AP4S1: variants seen among roughly 807,000 people sequenced by gnomAD.
AP4S1 encodes the protein adaptor related protein complex 4 subunit sigma 1.
Under a neutral mutation model 19.8 loss-of-function variants are expected in AP4S1, and 23 were observed. The observed-to-expected ratio is 1.16, with a 90% confidence interval of 0.84 to 1.65. The LOEUF is 1.65. AP4S1 is among the 40% of genes most tolerant of loss of function. The probability of loss-of-function intolerance (pLI) is 0.00; values close to 1 mark genes in which losing one functional copy is unlikely to be tolerated. For missense variants in AP4S1, 166 were observed against 172.8 expected, an observed-to-expected ratio of 0.96 and a Z score of 0.22; for synonymous variants, 46 against 54.1, an observed-to-expected ratio of 0.85 and a Z score of 0.66.
At chr14:31,045,654 C>G (rs1363010342) in intron 1 of AP4S1, among the ~76,000 whole-genome samples, 1 of 152,124 alleles carries the variant, frequency 6.6e-6, no homozygotes, top group African/African-American at 2.4e-5. Flanking sequence ...AGTGTGAAAG[C>G]AGACTAATAC....
chr14:31,045,030 TA>T (rs960882332), intron 1 of AP4S1, among the ~76,000 whole-genome samples: 28 of 151,830 alleles, frequency 1.8e-4, no homozygotes, highest in African/African-American at 6.1e-4. Context: ...GCCCCCCAAG[TA>T]GCTGGGATTA....
In AP4S1 at chr14:31,093,574, C is replaced by T. The variant is rs1266042969; in HGVS notation, c.*539C>T. Reference sequence around the variant, plus strand: ...CAAGCGATTCTCCTGCCTCAGCCTCCGAGCTGGGACTACAGGCATGCACCA... The same window carrying T: ...CAAGCGATTCTCCTGCCTCAGCCTCTGAGCTGGGACTACAGGCATGCACCA... On this transcript the variant is annotated 3_prime_UTR_variant, in exon 6 of 6. Coordinates refer to ENST00000542754, the MANE Select transcript of AP4S1 (RefSeq NM_001128126.3). 3 of 152,638 alleles carry T rather than the reference C, an allele frequency of 2.0e-5. No homozygotes were observed. The highest frequency in any genetic ancestry group is 2.9e-5 in the Non-Finnish European group (2 of 68,662). 9.5% of individuals were successfully genotyped at this position (152,638 alleles called of 1,614,324 possible).
At chr14:31,049,474 T>TCACACACACACACAC (rs1313078783) in intron 1 of AP4S1, among the ~76,000 whole-genome samples, 10 of 57,172 alleles carry the variant, frequency 1.7e-4, no homozygotes, top group Admixed American at 6.5e-4. Context: ...TATATATATG[T>TCACACACACACACAC]ACACACACAC....
rs150408514 is a variant in AP4S1 at position 31,083,351 on chromosome 14, C to T, written c.306+2767C>T. The T allele has an allele frequency of 4.1e-3, 1,680 of 407,042 alleles. 5 individuals are homozygous for T. Among genetic ancestry groups the T allele is most frequent in the Middle Eastern group, 0.017 (20 of 1,206 alleles). The allele number at this position is 407,042 out of a possible 1,614,324, so 25.2% of individuals were successfully genotyped here. On this transcript the variant is annotated intron_variant, in intron 5 of 5. Transcript: ENST00000542754. ...TCCATCTGGCAAATTAGGAATTTTA[C>T]ATCATTTAGAGAGGAGAACTAAGTC...
At chr14:31,036,141 AT>A (rs200595236) in intron 1 of AP4S1, among the ~76,000 whole-genome samples, 5,399 of 152,228 alleles carry the variant, frequency 0.035, 123 homozygotes, top group South Asian at 0.08. Flanking sequence ...TTTTAAAAAA[AT>A]AATCTAATAT....
intron 1 of AP4S1, among the ~76,000 whole-genome samples, chr14:31,064,699 G>C (rs922357336): frequency 3.3e-5 from 5 of 152,152 alleles, no homozygotes; most frequent in African/African-American, 1.2e-4. Context: ...GCTCACGCCC[G>C]TAATCCCAAC....
At position 31,049,426 on chromosome 14, in the gene AP4S1, AAAATATATATAT is replaced by A. The variant is rs1486749918; in HGVS notation, c.-71-16698_-71-16687del. 3.3e-4 allele frequency among the ~76,000 whole-genome samples: 14 copies of A among 43,046 alleles called. No homozygotes were observed. The East Asian group carries it at 4.4e-3, about 14-fold the overall frequency. 28.2% of individuals were successfully genotyped at this position (43,046 alleles called of 152,430 possible). A position where few individuals can be genotyped will look rare whatever the true frequency, so the allele number is the denominator to read the frequency against. ...AAGACTCGGTCTCAAAAAAAAAAAA[AAAATATATATAT>A]ATATATATATATATATATATATATG... On this transcript the variant is annotated intron_variant, in intron 1 of 5. Transcript: ENST00000542754.
intron 5 of AP4S1, among the ~76,000 whole-genome samples, chr14:31,084,268 G>A (rs546799878): frequency 6.6e-6 from 1 of 152,290 alleles, no homozygotes; most frequent in African/African-American, 2.4e-5. Context: ...TCAATTCCCA[G>A]GAAGCCCCCT....
chr14:31,094,734 A>G lies in AP4S1; in HGVS notation c.*1699A>G, dbSNP rs1888158660. 6.6e-6 allele frequency: 1 copy of G among 152,232 alleles called. No homozygotes were observed. The highest frequency in any genetic ancestry group is 1.5e-5 in the Non-Finnish European group (1 of 68,128). 9.4% of individuals were successfully genotyped at this position (152,232 alleles called of 1,614,324 possible). Reference sequence around the variant, plus strand: ...CAAGACCATATCTCTACAAAAAATAAATAGGTGTGATGGCTCATGCCTGTA... The same window carrying G: ...CAAGACCATATCTCTACAAAAAATAGATAGGTGTGATGGCTCATGCCTGTA... On this transcript the variant is annotated 3_prime_UTR_variant, in exon 6 of 6. Coordinates refer to ENST00000542754, the MANE Select transcript of AP4S1 (RefSeq NM_001128126.3).
intron 1 of AP4S1, among the ~76,000 whole-genome samples, chr14:31,035,661 G>A (rs997097828): frequency 2.1e-5 from 3 of 144,282 alleles, no homozygotes; most frequent in Non-Finnish European, 3.0e-5. Flanking sequence ...TTTGATGTGC[G>A]TTTCTATGAC....
intron 4 of AP4S1, among the ~76,000 whole-genome samples, chr14:31,078,935 G>GT (rs1349755454): frequency 3.3e-5 from 5 of 152,120 alleles, no homozygotes; most frequent in Non-Finnish European, 7.4e-5. Flanking sequence ...TTATTTTTAG[G>GT]TTTGTGAATT....
intron 1 of AP4S1, among the ~76,000 whole-genome samples, chr14:31,045,114 T>C (rs1594644153): frequency 6.6e-6 from 1 of 151,452 alleles, no homozygotes; most frequent in East Asian, 2.0e-4. Flanking sequence ...GTTGGCCAGG[T>C]TGGTCTCAAA....
chr14:31,025,830 T>C, intron 1 of AP4S1, 43 bp downstream of exon 1: 1 of 1,537,238 alleles, frequency 6.5e-7, no homozygotes, highest in Non-Finnish European at 8.7e-7. Context: ...TCCGGCTGAG[T>C]GGAGTCCCCA....
At chr14:31,083,595 C>T (rs996916314) in intron 5 of AP4S1, 21 of 442,654 alleles carry the variant, frequency 4.7e-5, no homozygotes, top group Non-Finnish European at 8.4e-5. Context: ...CCCTGGATCT[C>T]CTGGGCTCAA....
intron 5 of AP4S1, chr14:31,085,460 C>T (rs1410766288): frequency 1.5e-5 from 15 of 986,040 alleles, no homozygotes; most frequent in Non-Finnish European, 1.8e-5. Context: ...GGCTAGAATC[C>T]GGAATGTTTT....
intron 1 of AP4S1, among the ~76,000 whole-genome samples, chr14:31,029,275 A>C (rs1472644696): frequency 6.6e-6 from 1 of 152,176 alleles, no homozygotes; most frequent in Non-Finnish European, 1.5e-5. Flanking sequence ...TCCTAAAACA[A>C]AGGTATGATT....
At chr14:31,049,426 AAAATATATATATATAT>A (rs1209807602) in intron 1 of AP4S1, among the ~76,000 whole-genome samples, 922 of 43,006 alleles carry the variant, frequency 0.021, 48 homozygotes, top group African/African-American at 0.098. Context: ...AAAAAAAAAA[AAAATATATATATATAT>A]ATATATATAT....
intron 5 of AP4S1, among the ~76,000 whole-genome samples, chr14:31,092,046 G>A (rs966654052): frequency 2.0e-5 from 3 of 152,182 alleles, no homozygotes; most frequent in African/African-American, 7.2e-5. Flanking sequence ...AGACATCATA[G>A]TCTAACAATA....
chr14:31,079,412 T>C (rs1257865032), intron 4 of AP4S1, among the ~76,000 whole-genome samples: 6 of 152,074 alleles, frequency 3.9e-5, no homozygotes. Context: ...ATGCTGATCA[T>C]GGGAGGAGGC....
Sources: gnomAD v4.1 joint callset for allele counts (sites outside exome capture counted in the v4.1 genomes callset) on GRCh38, gnomAD v4.1.1 for gene constraint, MANE v1.5 for transcripts, NCBI Gene and HGNC (gene_info 2026-07-23, HGNC 2026-07-21) for gene names.